PTPRD: variants seen among roughly 807,000 people sequenced by gnomAD.
PTPRD encodes receptor-type tyrosine-protein phosphatase delta.
In PTPRD, 34 loss-of-function variants were observed where a neutral mutation model predicts 214.5. That is an observed-to-expected ratio of 0.16 (90% CI 0.12 to 0.21). The LOEUF is 0.21. Among genes scored for constraint, PTPRD ranks in the 10% least tolerant of loss-of-function variants. The probability of loss-of-function intolerance (pLI) is 1.00; values close to 1 mark genes in which losing one functional copy is unlikely to be tolerated. For synonymous variants in PTPRD, 1,128 were observed against 845.7 expected (o/e 1.33, Z -5.79); for missense variants, 2,545 against 2,398.7 (o/e 1.06, Z -1.27).
intron 30 of PTPRD, among the ~76,000 whole-genome samples, chr9:8,474,435 C>T (rs938675485): frequency 6.6e-6 from 1 of 152,224 alleles, no homozygotes; most frequent in East Asian, 1.9e-4. Context: ...TTCCAAAGCC[C>T]GTCTCCTCCA....
intron 12 of PTPRD, among the ~76,000 whole-genome samples, chr9:8,697,499 T>A (rs148797863): frequency 0.029 from 4,159 of 145,156 alleles, 118 homozygotes; most frequent in East Asian, 0.098. Flanking sequence ...CTTGGCTCAC[T>A]GCAATCCCCA....
chr9:9,871,093 T>G (rs186514629), intron 5 of PTPRD, among the ~76,000 whole-genome samples: 185 of 152,318 alleles, frequency 1.2e-3, no homozygotes, highest in Middle Eastern at 3.4e-3. Flanking sequence ...TAAAACATTT[T>G]GTACAGATAC....
intron 7 of PTPRD, among the ~76,000 whole-genome samples, chr9:9,697,332 A>G (rs1020043095): frequency 6.6e-6 from 1 of 152,060 alleles, no homozygotes; most frequent in Non-Finnish European, 1.5e-5. Flanking sequence ...TTTCAGATTG[A>G]AAAACTCCCT....
rs190914536 is a variant in PTPRD, at chr9:8,663,139, C to G, written c.65-26295G>C. ...GAGCTTTTGAAACTGACTCTTCCAA[C>G]TGGTCTTTTGATTGAAAGCTAATTT... On this transcript the variant is annotated intron_variant, in intron 12 of 45. Coordinates refer to ENST00000381196, the MANE Select transcript of PTPRD (RefSeq NM_002839.4). Among the ~76,000 whole-genome samples, 299 of 151,744 alleles carry G rather than the reference C, an allele frequency of 2.0e-3. 3 individuals are homozygous for G. Among genetic ancestry groups the G allele is most frequent in the African/African-American group, 6.9e-3 (283 of 41,170 alleles).
intron 36 of PTPRD, among the ~76,000 whole-genome samples, chr9:8,394,139 T>C (rs2090425959): frequency 6.6e-6 from 1 of 151,886 alleles, no homozygotes; most frequent in Admixed American, 6.6e-5. Context: ...ATACAGACTT[T>C]GAATAATGGG....
intron 9 of PTPRD, among the ~76,000 whole-genome samples, chr9:9,241,059 C>A (rs1489154205): frequency 3.3e-5 from 5 of 152,038 alleles, no homozygotes; most frequent in Non-Finnish European, 7.4e-5. Flanking sequence ...AATAAATGAA[C>A]TGAGTGATTT....
At chr9:10,348,003 A>G (rs2097117784) in intron 2 of PTPRD, among the ~76,000 whole-genome samples, 1 of 152,016 alleles carries the variant, frequency 6.6e-6, no homozygotes, top group East Asian at 2.0e-4. Context: ...GGCTGCAGTG[A>G]CCCGAGATCA....
intron 37 of PTPRD, among the ~76,000 whole-genome samples, chr9:8,378,941 T>C (rs1219679926): frequency 6.6e-6 from 1 of 152,092 alleles, no homozygotes; most frequent in African/African-American, 2.4e-5. Context: ...CTTACATTTC[T>C]AGTAATAAGT....
At chr9:8,636,910 G>A (rs757197939) in intron 12 of PTPRD, 66 bp from the exon 13 acceptor site, 31 of 1,515,524 alleles carry the variant, frequency 2.0e-5, no homozygotes, top group South Asian at 4.7e-5. Context: ...TCCTACTACC[G>A]CTGCTCTCCC....
At position 8,904,260 on chromosome 9, in the gene PTPRD, G is replaced by C. The variant is rs183209014; in HGVS notation, c.-104+114437C>G. 7.3e-4 allele frequency among the ~76,000 whole-genome samples: 111 copies of C among 152,208 alleles called. 2 individuals are homozygous for C. Among genetic ancestry groups the C allele is most frequent in the Admixed American group, 6.7e-3 (103 of 15,280 alleles). Reference sequence around the variant, plus strand: ...CATTCTTTCGTATAACCACAATAAAGTTTTAGAACTCAGTAAATTTAAGAT... The same window carrying C: ...CATTCTTTCGTATAACCACAATAAACTTTTAGAACTCAGTAAATTTAAGAT... On this transcript the variant is annotated intron_variant, in intron 11 of 45. Coordinates refer to ENST00000381196, the MANE Select transcript of PTPRD (RefSeq NM_002839.4).
At chr9:9,569,657 T>C (rs1473271473) in intron 8 of PTPRD, among the ~76,000 whole-genome samples, 2 of 151,646 alleles carry the variant, frequency 1.3e-5, no homozygotes, top group Non-Finnish European at 3.0e-5. Context: ...CAAGATAACA[T>C]ACACATTTTT....
intron 9 of PTPRD, among the ~76,000 whole-genome samples, chr9:9,229,732 C>T (rs138559837): frequency 1.3e-5 from 2 of 152,216 alleles, no homozygotes; most frequent in East Asian, 3.9e-4. Context: ...ATTGTCTTAA[C>T]TGACTCTTTT....
chr9:9,331,158 T>C (rs747434720), intron 9 of PTPRD, among the ~76,000 whole-genome samples: 1 of 152,106 alleles, frequency 6.6e-6, no homozygotes, highest in Non-Finnish European at 1.5e-5. Context: ...CATGTGATAA[T>C]GCTTAACATG....
intron 11 of PTPRD, among the ~76,000 whole-genome samples, chr9:8,735,779 G>A (rs956086122): frequency 3.9e-5 from 6 of 151,998 alleles, no homozygotes; most frequent in African/African-American, 7.2e-5. Context: ...AGGCGTGGTG[G>A]TGCATACCTG....
At chr9:9,456,377 T>C (rs1443393496) in intron 8 of PTPRD, among the ~76,000 whole-genome samples, 1 of 152,030 alleles carries the variant, frequency 6.6e-6, no homozygotes, top group East Asian at 1.9e-4. Context: ...CAGATTGCTT[T>C]AGATAAAGAT....
At chr9:10,226,619 C>T (rs2099589762) in intron 3 of PTPRD, among the ~76,000 whole-genome samples, 1 of 152,002 alleles carries the variant, frequency 6.6e-6, no homozygotes, top group Non-Finnish European at 1.5e-5. Context: ...GCGAACCAAA[C>T]CGCATTAAAT....
At chr9:8,706,866 A>G (rs2098220802) in intron 12 of PTPRD, among the ~76,000 whole-genome samples, 1 of 152,200 alleles carries the variant, frequency 6.6e-6, no homozygotes, top group Non-Finnish European at 1.5e-5. Flanking sequence ...AAGCAACAGC[A>G]ATGTCCACAG....
At chr9:8,885,663 A>C (rs1305909742) in intron 11 of PTPRD, among the ~76,000 whole-genome samples, 1 of 151,300 alleles carries the variant, frequency 6.6e-6, no homozygotes, top group African/African-American at 2.4e-5. Context: ...CACCCGGTTA[A>C]TTTTTGTATT....
intron 26 of PTPRD, among the ~76,000 whole-genome samples, chr9:8,496,129 G>T (rs1029620050): frequency 6.6e-6 from 1 of 150,898 alleles, no homozygotes; most frequent in African/African-American, 2.4e-5. Context: ...GTTTTGCTGT[G>T]ATCAACTTTA....
Sources: allele counts gnomAD v4.1 joint callset (sites outside exome capture counted in the v4.1 genomes callset), GRCh38; gene constraint gnomAD v4.1.1; transcripts MANE v1.5; gene names NCBI Gene and HGNC (gene_info 2026-07-23, HGNC 2026-07-21).